MAOA: variants seen among roughly 807,000 people sequenced by gnomAD.
MAOA encodes the protein monoamine oxidase A, also known as amine oxidase [flavin-containing] A.
Under a neutral mutation model 42.0 loss-of-function variants are expected in MAOA, and 6 were observed. That is an observed-to-expected ratio of 0.14 (90% CI 0.08 to 0.28). The LOEUF is 0.28. MAOA is among the 10% of genes least tolerant of loss of function. The pLI is 1.00. For synonymous variants in MAOA, 140 were observed against 154.0 expected, an observed-to-expected ratio of 0.91 and a Z score of 0.67; for missense variants, 262 against 422.3, an observed-to-expected ratio of 0.62 and a Z score of 3.33.
At chrX:43,683,413 T>C in intron 1 of MAOA, 100 bp from the exon 2 acceptor site, 1 of 611,993 alleles carries the variant, frequency 1.6e-6, no homozygotes, top group Non-Finnish European at 2.8e-6. Flanking sequence ...AATCATTGGA[T>C]TGTATATGAT....
chrX:43,693,916 ATT>A (rs2033557693), intron 3 of MAOA, among the ~76,000 whole-genome samples: 1 of 111,764 alleles, frequency 8.9e-6, no homozygotes, highest in Non-Finnish European at 1.9e-5. Flanking sequence ...TGAACTGGTT[ATT>A]CATCCTCATT....
chrX:43,695,278 T>C (rs2033568768), intron 3 of MAOA, among the ~76,000 whole-genome samples: 1 of 112,188 alleles, frequency 8.9e-6, no homozygotes, highest in South Asian at 3.7e-4. Context: ...GATTCAGTCA[T>C]TGAAAGACCA....
intron 2 of MAOA, among the ~76,000 whole-genome samples, chrX:43,685,427 A>T (rs1218996357): frequency 1.8e-5 from 2 of 112,001 alleles, no homozygotes; most frequent in African/African-American, 3.2e-5. Flanking sequence ...GTATTTCACA[A>T]TACTAGGCTA....
At chrX:43,720,768 G>A (rs910171003) in intron 5 of MAOA, among the ~76,000 whole-genome samples, 1 of 98,446 alleles carries the variant, frequency 1.0e-5, no homozygotes. Context: ...AAGAGATGGT[G>A]AAGGTGGAAT....
chrX:43,665,782 A>G (rs1028044224), intron 1 of MAOA, among the ~76,000 whole-genome samples: 3 of 108,640 alleles, frequency 2.8e-5, no homozygotes, highest in African/African-American at 1.0e-4. Flanking sequence ...GAAAGGAAGT[A>G]CAAAATACAG....
Position 43,732,748 on chromosome X carries a change from A to G in MAOA, c.1005A>G (p.Ile335Met). 1 of 1,210,063 alleles carries G rather than the reference A, an allele frequency of 8.3e-7. No homozygotes were observed. The highest frequency in any genetic ancestry group is 1.1e-6 in the Non-Finnish European group (1 of 894,045). ...AAGATGAAGATGCTCCAATTTCAAT[A>G]ACCTTGGATGACACCAAGCCAGATG... is the stretch of plus-strand genomic sequence containing the variant. The part of the protein sequence containing the change: ...IIEDEDAPIS[I>M]TLDDTKPDGS... Residue 335 changes from isoleucine (I) to methionine (M), a missense_variant, in exon 9 of 15, where the codon ATA becomes ATG. Around this residue, in one of 3 missense-constraint regions of MAOA, gnomAD observed 86 missense variants for 190.3 expected, o/e 0.45. Coordinates refer to ENST00000338702, the MANE Select transcript of MAOA (RefSeq NM_000240.4).
intron 1 of MAOA, among the ~76,000 whole-genome samples, chrX:43,677,750 A>T (rs1012665792): frequency 8.1e-5 from 9 of 111,694 alleles, no homozygotes; most frequent in African/African-American, 2.9e-4. Context: ...AGGCCTTAAC[A>T]AACTCTTTGT....
chrX:43,724,889 G>A (rs777619406), intron 5 of MAOA, among the ~76,000 whole-genome samples: 4 of 111,885 alleles, frequency 3.6e-5, no homozygotes, highest in African/African-American at 9.7e-5. Context: ...GTTCTCATTC[G>A]TTTCAAAGAA....
At chrX:43,741,313 G>C (rs1280738609) in intron 11 of MAOA, among the ~76,000 whole-genome samples, 2 of 111,240 alleles carry the variant, frequency 1.8e-5, no homozygotes, top group Non-Finnish European at 3.8e-5. Flanking sequence ...GAATGGCTGA[G>C]CGCTCTTTCA....
At chrX:43,681,885 T>A (rs1228536440) in intron 1 of MAOA, among the ~76,000 whole-genome samples, 27 of 105,294 alleles carry the variant, frequency 2.6e-4, no homozygotes, top group African/African-American at 8.9e-4. Flanking sequence ...TATATATTTT[T>A]TTTTTTTTTT....
chrX:43,729,383 G>A (rs2033863002), intron 6 of MAOA, among the ~76,000 whole-genome samples: 1 of 112,009 alleles, frequency 8.9e-6, no homozygotes, highest in African/African-American at 3.3e-5. Flanking sequence ...TGGAAAATAT[G>A]GTTCAGATGA....
chrX:43,725,634 G>A (rs1054149385), intron 5 of MAOA, among the ~76,000 whole-genome samples: 55 of 111,693 alleles, frequency 4.9e-4, no homozygotes, highest in African/African-American at 1.7e-3. Flanking sequence ...CAGTTTGCCA[G>A]TCTGTGTCTT....
At chrX:43,727,055 C>T (rs1377813422) in intron 5 of MAOA, among the ~76,000 whole-genome samples, 1 of 111,812 alleles carries the variant, frequency 8.9e-6, no homozygotes, top group East Asian at 2.8e-4. Flanking sequence ...AAGCTTTGTC[C>T]CAGGGGGGCA....
intron 12 of MAOA, 79 bp downstream of exon 12, chrX:43,742,126 T>G: frequency 8.5e-7 from 1 of 1,180,811 alleles, no homozygotes; most frequent in Non-Finnish European, 1.1e-6. Flanking sequence ...ATGCAAATTC[T>G]AGAAATAGTT....
At chrX:43,672,116 C>T (rs189101236) in intron 1 of MAOA, among the ~76,000 whole-genome samples, 6 of 111,536 alleles carry the variant, frequency 5.4e-5, no homozygotes, top group Admixed American at 2.9e-4. Context: ...TCTTTTATTT[C>T]ATTGAGCAGT....
upstream of MAOA, chrX:43,655,169 C>G (rs1461588526): frequency 8.4e-6 from 1 of 118,480 alleles, no homozygotes. Flanking sequence ...GTACCGGCAC[C>G]GGCACCAGTA....
intron 3 of MAOA, among the ~76,000 whole-genome samples, chrX:43,697,983 A>G (rs1437658911): frequency 4.5e-5 from 5 of 112,277 alleles, no homozygotes; most frequent in Admixed American, 3.8e-4. Flanking sequence ...TGTTTCCCCA[A>G]TGTGATAGTG....
At chrX:43,711,492 G>A (rs1387237725) in intron 3 of MAOA, among the ~76,000 whole-genome samples, 5 of 112,201 alleles carry the variant, frequency 4.5e-5, no homozygotes, top group Non-Finnish European at 5.6e-5. Flanking sequence ...TCCTGCTCTC[G>A]TCTAAGTGGG....
intron 2 of MAOA, 56 bp downstream of exon 2, chrX:43,683,663 C>A: frequency 2.0e-6 from 2 of 987,270 alleles, no homozygotes; most frequent in Non-Finnish European, 2.9e-6. Context: ...CTACAAGTGG[C>A]ACCACTGGAA....
Sources: allele counts gnomAD v4.1 joint callset (sites outside exome capture counted in the v4.1 genomes callset), GRCh38; gene constraint gnomAD v4.1.1; regional missense constraint gnomAD v4.1.1; transcripts MANE v1.5; gene names NCBI Gene and HGNC (gene_info 2026-07-23, HGNC 2026-07-21).